NGLY1: variants seen among roughly 807,000 people sequenced by gnomAD.
NGLY1 encodes peptide-N(4)-(N-acetyl-beta-glucosaminyl)asparagine amidase.
In NGLY1, 68 loss-of-function variants were observed where a neutral mutation model predicts 84.6. That is an observed-to-expected ratio of 0.80 (90% CI 0.66 to 0.98). NGLY1 has a LOEUF of 0.98. NGLY1 is among the 50% of genes least tolerant of loss of function. The probability of loss-of-function intolerance (pLI) is 0.00; values close to 1 mark genes in which losing one functional copy is unlikely to be tolerated. For missense variants in NGLY1, 779 were observed against 770.2 expected, an observed-to-expected ratio of 1.01 and a Z score of -0.14; for synonymous variants, 280 against 275.2, an observed-to-expected ratio of 1.02 and a Z score of -0.17.
chr3:25,751,326 T>TA (rs756942151), intron 3 of NGLY1, 63 bp from the exon 4 acceptor site: 32 of 1,306,144 alleles, frequency 2.4e-5, no homozygotes, highest in Middle Eastern at 2.3e-4. Flanking sequence ...TAATATATAA[T>TA]AAAAAAACTG....
At position 25,783,209 on chromosome 3, in the gene NGLY1, GCCGCGGCCCACCCACCCCGGTAC is replaced by G; in HGVS notation, c.131+28_131+50del. 6.5e-7 allele frequency: 1 copy of G among 1,541,060 alleles called. No individual in the cohort carries two copies. Among genetic ancestry groups the G allele is most frequent in the African/African-American group, 1.4e-5 (1 of 72,450 alleles). ...GCCCCAGTCCCTGGCCGAACAAGGTGCCGCGGCCCACCCACCCCGGTACCCGCCGTCCGACCCCGTTGCCCTGC... is the reference window on the plus strand; with the variant it reads ...GCCCCAGTCCCTGGCCGAACAAGGTGCCGCCGTCCGACCCCGTTGCCCTGC... On this transcript the variant is annotated intron_variant, in intron 1 of 11. Transcript: ENST00000280700. This position sits in a 1 kb window ranked among gnomAD's most constrained non-coding sequence, Gnocchi z 4.5.
intron 8 of NGLY1, among the ~76,000 whole-genome samples, chr3:25,733,547 T>A (rs1232743424): frequency 6.6e-6 from 1 of 151,448 alleles, no homozygotes; most frequent in Non-Finnish European, 1.5e-5. Flanking sequence ...AATATGAGTC[T>A]GTGTCATATC....
chr3:25,749,470 C>CGAGG (rs1706612356), intron 4 of NGLY1: 1 of 1,363,346 alleles, frequency 7.3e-7, no homozygotes, highest in Admixed American at 1.7e-5. Context: ...AGGTGGCAGC[C>CGAGG]ATCTCCTCTT....
intron 8 of NGLY1, among the ~76,000 whole-genome samples, chr3:25,733,009 C>G (rs1483400230): frequency 6.6e-6 from 1 of 152,190 alleles, no homozygotes; most frequent in Non-Finnish European, 1.5e-5. Flanking sequence ...TGAGAAGAGG[C>G]TGAGAAGCCA....
chr3:25,759,851 T>C (rs547017543), intron 3 of NGLY1, among the ~76,000 whole-genome samples: 1 of 152,090 alleles, frequency 6.6e-6, no homozygotes, highest in South Asian at 2.1e-4. Context: ...ATGTGTATAA[T>C]TTTGTCAAAT....
intron 10 of NGLY1, among the ~76,000 whole-genome samples, chr3:25,726,840 G>A (rs144372862): frequency 1.9e-3 from 283 of 152,342 alleles, no homozygotes; most frequent in African/African-American, 5.6e-3. Flanking sequence ...CCCAAAAAGC[G>A]TACTGGTCTT....
intron 2 of NGLY1, among the ~76,000 whole-genome samples, chr3:25,764,952 A>C (rs1707491735): frequency 6.6e-6 from 1 of 152,232 alleles, no homozygotes; most frequent in Non-Finnish European, 1.5e-5. Context: ...AGAAATAAAA[A>C]TCATGTATTT....
upstream of NGLY1, among the ~76,000 whole-genome samples, chr3:25,788,148 T>C (rs776488888): frequency 6.6e-6 from 1 of 152,236 alleles, no homozygotes; most frequent in Non-Finnish European, 1.5e-5. Context: ...TACTCATTTT[T>C]GCATTCAAAC....
At chr3:25,726,470 G>T (rs529858942) in intron 10 of NGLY1, among the ~76,000 whole-genome samples, 1 of 152,322 alleles carries the variant, frequency 6.6e-6, no homozygotes, top group Admixed American at 6.5e-5. Flanking sequence ...AGAGGGAAAT[G>T]GATTCAATTT....
chr3:25,748,601 G>A (rs1345989200), intron 4 of NGLY1, among the ~76,000 whole-genome samples: 2 of 152,036 alleles, frequency 1.3e-5, no homozygotes, highest in South Asian at 4.2e-4. Flanking sequence ...TGAAGAAACT[G>A]AGTCATAGAG....
At position 25,729,121 on chromosome 3, in the gene NGLY1, G is replaced by C; in HGVS notation, c.1611+12C>G. On this transcript the variant is annotated intron_variant, in intron 10 of 11. Transcript: ENST00000280700. Reference sequence around the variant, plus strand: ...TGACAAAAGTTTTAAATGGTTTTATGCATTAAGTTACCATGTGCCAGTCTG... The same window carrying C: ...TGACAAAAGTTTTAAATGGTTTTATCCATTAAGTTACCATGTGCCAGTCTG... The C allele has an allele frequency of 4.9e-6, 7 of 1,426,198 alleles. No individual in the cohort carries two copies. Among genetic ancestry groups the C allele is most frequent in the Non-Finnish European group, 6.5e-6 (7 of 1,074,484 alleles). 88.3% of individuals were successfully genotyped at this position (1,426,198 alleles called of 1,614,324 possible).
chr3:25,733,391 C>T (rs773328828), intron 8 of NGLY1, among the ~76,000 whole-genome samples: 1 of 151,882 alleles, frequency 6.6e-6, no homozygotes, highest in Non-Finnish European at 1.5e-5. Flanking sequence ...CATCTTGGAA[C>T]TCCAGTTCCT....
At chr3:25,758,207 A>G (rs1707134769) in intron 3 of NGLY1, among the ~76,000 whole-genome samples, 1 of 152,196 alleles carries the variant, frequency 6.6e-6, no homozygotes, top group Admixed American at 6.5e-5. Context: ...AGATCTAACA[A>G]AGCCCCTTAA....
intron 4 of NGLY1, among the ~76,000 whole-genome samples, chr3:25,744,884 C>A (rs544742440): frequency 1.3e-5 from 2 of 152,240 alleles, no homozygotes; most frequent in African/African-American, 4.8e-5. Flanking sequence ...CATATACATC[C>A]GAGCCGAAAA....
At chr3:25,729,535 G>A in intron 9 of NGLY1, 1 of 310,088 alleles carries the variant, frequency 3.2e-6, no homozygotes. Context: ...AGAAGTATGA[G>A]CTCTGACTTA....
At chr3:25,720,299 G>C (rs751887564) in intron 10 of NGLY1, 108 bp from the exon 11 acceptor site, 24 of 842,654 alleles carry the variant, frequency 2.8e-5, no homozygotes, top group Non-Finnish European at 3.9e-5. Context: ...TGTACAAGTG[G>C]TTATTTAAAA....
intron 3 of NGLY1, among the ~76,000 whole-genome samples, chr3:25,761,666 A>G (rs1707328826): frequency 6.6e-6 from 1 of 152,204 alleles, no homozygotes; most frequent in South Asian, 2.1e-4. Flanking sequence ...AAAAACATAA[A>G]TATAAACTTA....
chr3:25,770,730 G>C (rs1284792007), intron 2 of NGLY1, among the ~76,000 whole-genome samples: 2 of 152,052 alleles, frequency 1.3e-5, no homozygotes, highest in African/African-American at 4.8e-5. Context: ...ATTATTTTTT[G>C]ATTCTTTAAT....
Position 25,755,156 on chromosome 3 carries a change from C to T in NGLY1, c.493-3893G>A, listed in dbSNP as rs562599242. 1.5e-4 allele frequency: 190 copies of T among 1,255,572 alleles called. No individual in the cohort carries two copies. The African/African-American group carries it at 2.4e-3, about 16-fold the overall frequency. 77.8% of individuals were successfully genotyped at this position (1,255,572 alleles called of 1,614,324 possible). On this transcript the variant is annotated intron_variant, in intron 3 of 11. Coordinates refer to ENST00000280700, the MANE Select transcript of NGLY1 (RefSeq NM_018297.4). ...TGATGTGAGACTGGCAATCCAGTGTCGTGCTGATCTTTTTACCTCTCTTCC... is the reference window on the plus strand; with the variant it reads ...TGATGTGAGACTGGCAATCCAGTGTTGTGCTGATCTTTTTACCTCTCTTCC...
Sources: gnomAD v4.1 joint callset for allele counts (sites outside exome capture counted in the v4.1 genomes callset) on GRCh38, gnomAD v4.1.1 for gene constraint, Gnocchi (gnomAD v3.1) non-coding constraint, MANE v1.5 for transcripts, NCBI Gene and HGNC (gene_info 2026-07-23, HGNC 2026-07-21) for gene names.